SMARCA4: variants seen among roughly 807,000 people sequenced by gnomAD.
SMARCA4 encodes the protein SWI/SNF-related matrix-associated actin-dependent regulator of chromatin subfamily A member 4.
In SMARCA4, 31 loss-of-function variants were observed where a neutral mutation model predicts 193.9. That is an observed-to-expected ratio of 0.16 (90% CI 0.12 to 0.22). SMARCA4 has a LOEUF of 0.22. SMARCA4 is among the 10% of genes least tolerant of loss of function. SMARCA4 has a pLI of 1.00. For missense variants in SMARCA4, 1,148 were observed against 2,296.0 expected (o/e 0.50, Z 10.22); for synonymous variants, 942 against 933.1 (o/e 1.01, Z -0.17).
intron 14 of SMARCA4, among the ~76,000 whole-genome samples, chr19:11,009,295 C>T (rs1320876279): frequency 3.3e-5 from 5 of 151,998 alleles, no homozygotes; most frequent in Non-Finnish European, 5.9e-5. Context: ...GCTGGGATTA[C>T]AGGCGTGAGC....
rs779982511 is a variant in SMARCA4 at position 11,061,774 on chromosome 19, C to T, written c.4912-10C>T. 1.2e-6 allele frequency: 2 copies of T among 1,613,518 alleles called. No individual in the cohort carries two copies. Among genetic ancestry groups the T allele is most frequent in the East Asian group, 2.2e-5 (1 of 44,870 alleles). ...CCAACGCACACTCTCTCCTCCTGTC[C>T]CCTCTCCAGGACCGCTCAGGAAGTG... is the stretch of plus-strand genomic sequence containing the variant. On this transcript the variant is annotated splice_polypyrimidine_tract_variant and intron_variant, in intron 34 of 34. Coordinates refer to ENST00000344626, the MANE Select transcript of SMARCA4 (RefSeq NM_003072.5).
chr19:10,979,437 G>T lies in SMARCA4; in HGVS notation c.-31-4684G>T, dbSNP rs1396671208. Among the ~76,000 whole-genome samples the T allele has an allele frequency of 6.0e-5, 9 of 149,210 alleles. No homozygotes were observed. The East Asian group carries it at 1.8e-3, about 29-fold the overall frequency. Reference sequence around the variant, plus strand: ...CTTTTTTTTTTTTTTTTGAGACAGGGTCTTTCTCTGTTGCCCACGATCATG... The same window carrying T: ...CTTTTTTTTTTTTTTTTGAGACAGGTTCTTTCTCTGTTGCCCACGATCATG... On this transcript the variant is annotated intron_variant, in intron 1 of 34. Coordinates refer to ENST00000344626, the MANE Select transcript of SMARCA4 (RefSeq NM_003072.5).
In SMARCA4 at chr19:11,033,594, A is replaced by C; in HGVS notation, c.3774+77A>C. ...GAGCGGCTTTCATTTTTGTTTTTTT[A>C]CCTTTTTTGCACTCTTATTTTTTTT... On this transcript the variant is annotated intron_variant, in intron 26 of 34. Coordinates refer to ENST00000344626, the MANE Select transcript of SMARCA4 (RefSeq NM_003072.5). The surrounding 1 kb of genome is among the most constrained non-coding windows in gnomAD (Gnocchi z 9.8). 1 of 1,163,114 alleles carries C rather than the reference A, an allele frequency of 8.6e-7. No individual in the cohort carries two copies. The highest frequency in any genetic ancestry group is 1.3e-6 in the Non-Finnish European group (1 of 773,810). The allele number at this position is 1,163,114 out of a possible 1,614,324, so 72.0% of individuals were successfully genotyped here.
intron 22 of SMARCA4, chr19:11,025,715 T>C (rs190765235): frequency 1.1e-4 from 64 of 566,226 alleles, no homozygotes; most frequent in Non-Finnish European, 2.0e-4. Flanking sequence ...GATAGGAATA[T>C]AGGGCCCTGA....
chr19:10,969,689 C>T (rs1327986354), intron 1 of SMARCA4, among the ~76,000 whole-genome samples: 4 of 152,170 alleles, frequency 2.6e-5, no homozygotes, highest in East Asian at 3.8e-4. Flanking sequence ...CTCAGCCTCC[C>T]GAAGTGCTGG....
chr19:11,023,669 C>A, intron 20 of SMARCA4, 38 bp downstream of exon 20: 2 of 1,294,638 alleles, frequency 1.5e-6, no homozygotes, highest in Non-Finnish European at 1.1e-6. Context: ...GTGAAGCAGC[C>A]TCACGTGGGG....
At chr19:11,029,140 A>G (rs909524793) in intron 24 of SMARCA4, among the ~76,000 whole-genome samples, 1 of 152,132 alleles carries the variant, frequency 6.6e-6, no homozygotes, top group Non-Finnish European at 1.5e-5. Flanking sequence ...GGGGCTTCCC[A>G]CTTTCAGCTT....
intron 16 of SMARCA4, 178 bp from the exon 17 acceptor site, chr19:11,018,779 G>A (rs1009977220): frequency 1.7e-5 from 12 of 718,076 alleles, no homozygotes; most frequent in African/African-American, 1.0e-4. Context: ...AGCCCTTCAC[G>A]TCCTCGCCAG....
At chr19:11,020,840 T>A (rs989446630) in intron 18 of SMARCA4, 1 of 151,770 alleles carries the variant, frequency 6.6e-6, no homozygotes, top group African/African-American at 2.4e-5. Context: ...CTTTTTCTCT[T>A]CTTTTTTTTT....
At chr19:10,971,541 G>C (rs924042670) in intron 1 of SMARCA4, among the ~76,000 whole-genome samples, 1 of 151,070 alleles carries the variant, frequency 6.6e-6, no homozygotes, top group Non-Finnish European at 1.5e-5. Context: ...GTCACCCAGC[G>C]GGGAGTACAG....
intron 1 of SMARCA4, chr19:10,983,498 G>A (rs1446207770): frequency 1.3e-5 from 2 of 152,462 alleles, no homozygotes; most frequent in East Asian, 1.9e-4. Context: ...GCAGTGGTGC[G>A]ATCCGGGCTC....
intron 7 of SMARCA4, 125 bp from the exon 8 acceptor site, chr19:10,991,025 C>A: frequency 6.8e-7 from 1 of 1,475,720 alleles, no homozygotes; most frequent in South Asian, 1.2e-5. Context: ...CACACACGGA[C>A]TGGGTGTGTA....
chr19:10,965,070 A>G (rs895106726), intron 1 of SMARCA4, among the ~76,000 whole-genome samples: 1 of 152,208 alleles, frequency 6.6e-6, no homozygotes, highest in Non-Finnish European at 1.5e-5. Flanking sequence ...AGAAGGACCC[A>G]TTCATGGTGC....
Position 11,051,699 on chromosome 19 carries a change from T to C in SMARCA4, c.4425-6556T>C, listed in dbSNP as rs373930224. Reference sequence around the variant, plus strand: ...AGAGATGGGGTTTAACCACGTTGGCTAGGATGGTCTCGATCTCTTGACCTC... The same window carrying C: ...AGAGATGGGGTTTAACCACGTTGGCCAGGATGGTCTCGATCTCTTGACCTC... On this transcript the variant is annotated intron_variant, in intron 30 of 34. Transcript: ENST00000344626. Among the ~76,000 whole-genome samples the C allele has an allele frequency of 4.3e-4, 65 of 152,076 alleles. No individual in the cohort carries two copies. In the South Asian group the frequency reaches 0.012, roughly 28 times the overall value.
chr19:11,018,363 G>GC (rs986385379), intron 16 of SMARCA4: 22 of 212,388 alleles, frequency 1.0e-4, no homozygotes, highest in Non-Finnish European at 2.1e-4. Flanking sequence ...CATTCTGCCT[G>GC]CCCCCATGTC....
intron 30 of SMARCA4, among the ~76,000 whole-genome samples, chr19:11,054,570 G>A (rs747275967): frequency 1.3e-5 from 2 of 152,170 alleles, no homozygotes; most frequent in Admixed American, 6.5e-5. Context: ...CAAGGTGGGT[G>A]GATCAGGAGG....
intron 16 of SMARCA4, among the ~76,000 whole-genome samples, chr19:11,015,772 C>G (rs1325921116): frequency 1.3e-5 from 2 of 151,854 alleles, no homozygotes; most frequent in Non-Finnish European, 2.9e-5. Context: ...TTTGGGAGGC[C>G]GAGGCAGGCG....
At chr19:11,008,139 T>C in intron 14 of SMARCA4, 116 bp downstream of exon 14, 4 of 1,094,714 alleles carry the variant, frequency 3.7e-6, no homozygotes, top group Non-Finnish European at 5.4e-6. Flanking sequence ...AGCCAGCTGC[T>C]ACTGTGGAAC....
chr19:10,966,446 G>A (rs2084225993), intron 1 of SMARCA4, among the ~76,000 whole-genome samples: 1 of 151,094 alleles, frequency 6.6e-6, no homozygotes, highest in African/African-American at 2.4e-5. Flanking sequence ...TAAAAAATTA[G>A]CCAAGCATGG....
Sources: gnomAD v4.1 joint callset for allele counts (sites outside exome capture counted in the v4.1 genomes callset) on GRCh38, gnomAD v4.1.1 for gene constraint, Gnocchi (gnomAD v3.1) non-coding constraint, MANE v1.5 for transcripts, NCBI Gene and HGNC (gene_info 2026-07-23, HGNC 2026-07-21) for gene names.